TRIM33: variants seen among roughly 807,000 people sequenced by gnomAD.
The protein encoded by TRIM33 is tripartite motif containing 33, also known as E3 ubiquitin-protein ligase TRIM33.
A neutral mutation model predicts 125.4 loss-of-function variants in TRIM33; 20 were observed. The observed-to-expected ratio is 0.16, with a 90% CI of 0.11 to 0.23. TRIM33 has a LOEUF of 0.23. TRIM33 is among the 10% of genes least tolerant of loss of function. The pLI is 1.00. For missense variants in TRIM33, 920 were observed against 1,411.4 expected (o/e 0.65, Z 5.58); for synonymous variants, 564 against 513.9 (o/e 1.10, Z -1.32).
chr1:114,476,971 C>T (rs545773961), intron 1 of TRIM33, among the ~76,000 whole-genome samples: 9 of 152,124 alleles, frequency 5.9e-5, no homozygotes, highest in South Asian at 2.1e-4. Context: ...TTATAGAGCC[C>T]GACATTGTTT....
At chr1:114,442,343 T>C (rs1452646811) in intron 4 of TRIM33, among the ~76,000 whole-genome samples, 3 of 152,002 alleles carry the variant, frequency 2.0e-5, no homozygotes, top group Non-Finnish European at 4.4e-5. Context: ...TATTTACTTA[T>C]CACTTCTACA....
rs1026391494 is a variant in TRIM33 at position 114,408,889 on chromosome 1, C to T, written c.2195-149G>A. 9 of 576,510 alleles carry T rather than the reference C, an allele frequency of 1.6e-5. No homozygotes were observed. In the Admixed American group the frequency reaches 2.5e-4, roughly 16 times the overall value. 35.7% of individuals were successfully genotyped at this position (576,510 alleles called of 1,614,324 possible). On this transcript the variant is annotated intron_variant, in intron 12 of 19. Coordinates refer to ENST00000358465, the MANE Select transcript of TRIM33 (RefSeq NM_015906.4). ...CACAAAGTCAGGGACGCATGTGTAA[C>T]CATTAGCAGACATCAACCAGTTTCT...
At chr1:114,437,328 A>C (rs1337284338) in intron 4 of TRIM33, among the ~76,000 whole-genome samples, 1 of 152,136 alleles carries the variant, frequency 6.6e-6, no homozygotes, top group Non-Finnish European at 1.5e-5. Flanking sequence ...TTAATCTTGC[A>C]TTTTAAAGTA....
chr1:114,394,900 T>C lies in TRIM33; in HGVS notation c.*2748A>G, dbSNP rs78581320. ...GTAAATTGAAGTACAGCAAAAACTTTAAAAGCTTTTAAGAAAACATTATTA... is the reference window on the plus strand; with the variant it reads ...GTAAATTGAAGTACAGCAAAAACTTCAAAAGCTTTTAAGAAAACATTATTA... On this transcript the variant is annotated 3_prime_UTR_variant, in exon 20 of 20. Coordinates refer to ENST00000358465, the MANE Select transcript of TRIM33 (RefSeq NM_015906.4). 1,320 of 193,678 alleles carry C rather than the reference T, an allele frequency of 6.8e-3. 15 individuals are homozygous for C. Among genetic ancestry groups the C allele is most frequent in the African/African-American group, 0.028 (1,230 of 43,260 alleles). 12.0% of individuals were successfully genotyped at this position (193,678 alleles called of 1,614,324 possible). A position where few individuals can be genotyped will look rare whatever the true frequency, so the allele number is the denominator to read the frequency against.
At chr1:114,419,754 G>A (rs1253790725) in intron 11 of TRIM33, among the ~76,000 whole-genome samples, 1 of 152,196 alleles carries the variant, frequency 6.6e-6, no homozygotes, top group African/African-American at 2.4e-5. Flanking sequence ...AATTACAGCT[G>A]CTCTTACAGG....
chr1:114,472,636 G>A (rs1570618027), intron 1 of TRIM33, among the ~76,000 whole-genome samples: 1 of 152,006 alleles, frequency 6.6e-6, no homozygotes, highest in South Asian at 2.1e-4. Flanking sequence ...AGGCTGAGGT[G>A]GGAGGATCAC....
In TRIM33 at chr1:114,397,620, T is replaced by TTAA; in HGVS notation, c.*27_*28insTTA. On this transcript the variant is annotated 3_prime_UTR_variant, in exon 20 of 20. Coordinates refer to ENST00000358465, the MANE Select transcript of TRIM33 (RefSeq NM_015906.4). ...TTTTTTTTTTTCGTTTTTTTTTTTT[T>TTAA]AAACAATTGATTTAAATCCATGTCA... 1 of 1,197,242 alleles carries TTAA rather than the reference T, an allele frequency of 8.4e-7. No homozygotes were observed. Among genetic ancestry groups the TTAA allele is most frequent in the Non-Finnish European group, 1.2e-6 (1 of 840,720 alleles). The allele number at this position is 1,197,242 out of a possible 1,614,324, so 74.2% of individuals were successfully genotyped here.
intron 4 of TRIM33, among the ~76,000 whole-genome samples, chr1:114,450,505 C>T (rs967033427): frequency 1.3e-5 from 2 of 152,100 alleles, no homozygotes; most frequent in African/African-American, 4.8e-5. Flanking sequence ...ACTAACGTTC[C>T]TATTTTGATT....
intron 16 of TRIM33, among the ~76,000 whole-genome samples, chr1:114,401,892 CCTT>C (rs1264668058): frequency 6.6e-6 from 1 of 152,150 alleles, no homozygotes; most frequent in Non-Finnish European, 1.5e-5. Context: ...ATGAAAATGG[CCTT>C]CTCAGTCTAA....
chr1:114,457,604 T>C (rs1387857922), intron 4 of TRIM33, among the ~76,000 whole-genome samples: 3 of 152,204 alleles, frequency 2.0e-5, no homozygotes, highest in Non-Finnish European at 2.9e-5. Context: ...AAAGAGGTAC[T>C]CATTATATTT....
At chr1:114,486,546 C>CA (rs372795084) in intron 1 of TRIM33, among the ~76,000 whole-genome samples, 24,420 of 64,780 alleles carry the variant, frequency 0.38, 4,397 homozygotes, top group African/African-American at 0.56. Flanking sequence ...GACCCTATCT[C>CA]AAAAAAAAAA....
chr1:114,406,306 T>C (rs531942702), intron 14 of TRIM33, among the ~76,000 whole-genome samples: 53 of 152,294 alleles, frequency 3.5e-4, no homozygotes, highest in African/African-American at 1.2e-3. Flanking sequence ...TGAATCTATA[T>C]ATACTGTGTT....
At chr1:114,447,119 G>A (rs1649026394) in intron 4 of TRIM33, among the ~76,000 whole-genome samples, 1 of 152,150 alleles carries the variant, frequency 6.6e-6, no homozygotes, top group Non-Finnish European at 1.5e-5. Context: ...TTTTGAGCAG[G>A]GGAGTGATAC....
chr1:114,498,038 G>A (rs1279970174), intron 1 of TRIM33, among the ~76,000 whole-genome samples: 1 of 146,984 alleles, frequency 6.8e-6, no homozygotes, highest in Admixed American at 7.0e-5. Flanking sequence ...TGAGGCAGGA[G>A]AATCACTTGA....
chr1:114,443,060 C>T (rs1394692297), intron 4 of TRIM33, among the ~76,000 whole-genome samples: 1 of 151,630 alleles, frequency 6.6e-6, no homozygotes, highest in Non-Finnish European at 1.5e-5. Context: ...TCCCTTCTCT[C>T]TTCCTCTCTC....
intron 11 of TRIM33, among the ~76,000 whole-genome samples, chr1:114,418,804 C>T (rs570980717): frequency 6.6e-6 from 1 of 152,230 alleles, no homozygotes; most frequent in Admixed American, 6.5e-5. Flanking sequence ...TGGCCCCACC[C>T]AGAAGCGATT....
intron 8 of TRIM33, among the ~76,000 whole-genome samples, chr1:114,426,581 T>G (rs1647601259): frequency 6.6e-6 from 1 of 152,092 alleles, no homozygotes; most frequent in African/African-American, 2.4e-5. Context: ...GACTTAACTG[T>G]TCTGAAAGTG....
In TRIM33 at chr1:114,418,193, T is replaced by G. The variant is rs185574419; in HGVS notation, c.2061+3243A>C. On this transcript the variant is annotated intron_variant, in intron 11 of 19. Transcript: ENST00000358465. Reference sequence around the variant, plus strand: ...ACAAGGCAGTAGGAGAGAGAGTGAGTGCAGAGGAAACTGCCACTTTAAAAA... The same window carrying G: ...ACAAGGCAGTAGGAGAGAGAGTGAGGGCAGAGGAAACTGCCACTTTAAAAA... Among the ~76,000 whole-genome samples the G allele has an allele frequency of 5.4e-4, 82 of 152,152 alleles. 2 individuals carry two copies. In the East Asian group the frequency reaches 0.013, roughly 23 times the overall value.
At chr1:114,398,916 C>CAAAAAAAAAAAAAAAAAAAA (rs371623761) in intron 18 of TRIM33, among the ~76,000 whole-genome samples, 1 of 107,696 alleles carries the variant, frequency 9.3e-6, no homozygotes, top group African/African-American at 3.9e-5. Flanking sequence ...AAAAAAAAAA[C>CAAAAAAAAAAAAAAAAAAAA]AAAACAAAAC....
Sources: allele counts gnomAD v4.1 joint callset (sites outside exome capture counted in the v4.1 genomes callset), GRCh38; gene constraint gnomAD v4.1.1; transcripts MANE v1.5; gene names NCBI Gene and HGNC (gene_info 2026-07-23, HGNC 2026-07-21).